EML6: variants seen among roughly 807,000 people sequenced by gnomAD.
EML6 encodes the protein EMAP like 6.
A neutral mutation model predicts 240.1 loss-of-function variants in EML6; 154 were observed. The ratio of observed to expected loss-of-function variants is 0.64; its 90% CI spans 0.56 to 0.73. EML6 has a LOEUF of 0.73. EML6 is among the 30% of genes least tolerant of loss of function. The pLI, the probability that EML6 is intolerant of heterozygous loss-of-function variation, is 0.00. For synonymous variants in EML6, 1,148 were observed against 899.0 expected, an observed-to-expected ratio of 1.28 and a Z score of -4.95; for missense variants, 2,964 against 2,474.6, an observed-to-expected ratio of 1.20 and a Z score of -4.20.
rs759267390 is a variant in EML6 at position 54,725,047 on chromosome 2, C to A, written c.-15C>A. 2.0e-6 allele frequency: 3 copies of A among 1,496,932 alleles called. No homozygotes were observed. The highest frequency in any genetic ancestry group is 2.7e-6 in the Non-Finnish European group (3 of 1,123,878). The allele number at this position is 1,496,932 out of a possible 1,614,324, so 92.7% of individuals were successfully genotyped here. On this transcript the variant is annotated 5_prime_UTR_variant, in exon 2 of 42. Coordinates refer to ENST00000356458, the MANE Select transcript of EML6 (RefSeq NM_001039753.4). The surrounding 1 kb of genome is among the most constrained non-coding windows in gnomAD (Gnocchi z 4.3). ...GGCGCGCGGGGGGGCGGGGGGCGCG[C>A]GGGGTCGGCTTATCATGGCGGATCG...
In EML6 at chr2:54,963,994, A is replaced by T; in HGVS notation, c.5166A>T (p.Leu1722Phe). ...CCTTTGCATCAATGTAGAAGCTGTTAAACAAGGTGAGCTTGGGCCATGCGG... is the reference window on the plus strand; with the variant it reads ...CCTTTGCATCAATGTAGAAGCTGTTTAACAAGGTGAGCTTGGGCCATGCGG... ...RIWDLADKKL[L>F]NKVSLGHAAR... The change falls in exon 37 of 42, where the codon TTA becomes TTT. Residue 1722 changes from leucine to phenylalanine, a missense_variant. Physicochemically the swap from Leu to Phe is conservative, Grantham distance 22. Coordinates refer to ENST00000356458, the MANE Select transcript of EML6 (RefSeq NM_001039753.4). 6.5e-7 allele frequency: 1 copy of T among 1,550,124 alleles called. No homozygotes were observed. Among genetic ancestry groups the T allele is most frequent in the Non-Finnish European group, 8.7e-7 (1 of 1,146,454 alleles).
At chr2:54,907,537 C>G (rs1383078008) in intron 24 of EML6, among the ~76,000 whole-genome samples, 3 of 152,150 alleles carry the variant, frequency 2.0e-5, no homozygotes, top group African/African-American at 7.2e-5. Context: ...ACAATTTGAG[C>G]CATAATAGGA....
chr2:54,937,736 C>T (rs955682323), intron 28 of EML6, among the ~76,000 whole-genome samples: 25 of 151,940 alleles, frequency 1.6e-4, no homozygotes, highest in African/African-American at 5.8e-4. Flanking sequence ...AGCTGTTTTA[C>T]CTGGGTAGAT....
intron 7 of EML6, among the ~76,000 whole-genome samples, chr2:54,837,225 C>A (rs1338743097): frequency 6.6e-6 from 1 of 152,214 alleles, no homozygotes; most frequent in African/African-American, 2.4e-5. Flanking sequence ...CCTGGGCATA[C>A]ATTCACAGAT....
chr2:54,926,649 C>T (rs1481403436), intron 26 of EML6, among the ~76,000 whole-genome samples: 3 of 152,238 alleles, frequency 2.0e-5, no homozygotes, highest in Non-Finnish European at 4.4e-5. Context: ...AACCTTCTAG[C>T]AACTGTCAAT....
rs1008641911 is a variant in EML6, at chr2:54,855,520, A to G, written c.1657+1665A>G. ...CAACATGAGGTTTGAGCAGGGACAC[A>G]TGTCCAAACTATATTACAGAGGGTG... is the stretch of plus-strand genomic sequence containing the variant. On this transcript the variant is annotated intron_variant, in intron 11 of 41. Transcript: ENST00000356458. Among the ~76,000 whole-genome samples the G allele has an allele frequency of 7.8e-5, 11 of 140,160 alleles. 1 individual carries two copies. The highest frequency in any genetic ancestry group is 1.5e-4 in the Non-Finnish European group (10 of 66,348). The allele number at this position is 140,160 out of a possible 152,430, so 92.0% of individuals were successfully genotyped here.
At chr2:54,837,547 C>A (rs749667683) in intron 7 of EML6, among the ~76,000 whole-genome samples, 1 of 152,182 alleles carries the variant, frequency 6.6e-6, no homozygotes. Context: ...AAGTCGACTT[C>A]TCACAGGTGC....
intron 7 of EML6, among the ~76,000 whole-genome samples, chr2:54,842,101 T>A (rs1003091880): frequency 6.6e-6 from 1 of 152,106 alleles, no homozygotes; most frequent in African/African-American, 2.4e-5. Flanking sequence ...CCGTAGTTCA[T>A]GTTAGAGTTC....
At chr2:54,853,218 T>C (rs1160137767) in intron 10 of EML6, among the ~76,000 whole-genome samples, 2 of 152,190 alleles carry the variant, frequency 1.3e-5, no homozygotes, top group Non-Finnish European at 2.9e-5. Context: ...TGATGATACA[T>C]GATAAAAGTC....
intron 2 of EML6, among the ~76,000 whole-genome samples, chr2:54,807,008 T>C (rs576147107): frequency 3.7e-4 from 56 of 152,334 alleles, no homozygotes; most frequent in Non-Finnish European, 7.8e-4. Flanking sequence ...TTATACACTT[T>C]ACTGACATAA....
At chr2:54,939,101 A>G (rs1472661811) in intron 28 of EML6, among the ~76,000 whole-genome samples, 6 of 152,232 alleles carry the variant, frequency 3.9e-5, no homozygotes, top group Admixed American at 3.3e-4. Context: ...TAACAACAAG[A>G]TTTAGATTCA....
chr2:54,967,223 C>G, intron 39 of EML6, 120 bp downstream of exon 39: 1 of 665,746 alleles, frequency 1.5e-6, no homozygotes, highest in Admixed American at 2.7e-5. Flanking sequence ...GCTGTCTTTT[C>G]TTTTGGGGGT....
At chr2:54,916,730 A>C in intron 25 of EML6, 29 bp from the exon 26 acceptor site, 1 of 1,465,172 alleles carries the variant, frequency 6.8e-7, no homozygotes, top group African/African-American at 1.4e-5. Flanking sequence ...GGTTGTGCAA[A>C]AATATCATTC....
At chr2:54,955,640 T>C (rs565157880) in intron 32 of EML6, among the ~76,000 whole-genome samples, 1 of 152,332 alleles carries the variant, frequency 6.6e-6, no homozygotes, top group African/African-American at 2.4e-5. Context: ...TCCCTCTACC[T>C]GTCCTCCAAG....
rs977756330 is a variant in EML6, at chr2:54,964,601, T to C, written c.5361T>C (p.Val1787=). ...GCCCAGACAACCGATTCTTAGCCGT[T>C]GGTTCTTCTGAACACACAGTTGACT... is the stretch of plus-strand genomic sequence containing the variant. The part of the protein sequence containing the change: ...RISPDNRFLA[V]GSSEHTVDFY... Residue 1787 remains valine (V), a synonymous_variant, in exon 38 of 42, where the codon GTT becomes GTC. Coordinates refer to ENST00000356458, the MANE Select transcript of EML6 (RefSeq NM_001039753.4). 10 of 1,552,316 alleles carry C rather than the reference T, an allele frequency of 6.4e-6. No homozygotes were observed. The highest frequency in any genetic ancestry group is 2.7e-5 in the African/African-American group (2 of 73,074).
intron 32 of EML6, among the ~76,000 whole-genome samples, chr2:54,955,694 C>G (rs958719874): frequency 2.0e-5 from 3 of 152,218 alleles, no homozygotes. Context: ...CTTGCTCACC[C>G]AGGGTCCCTT....
intron 8 of EML6, among the ~76,000 whole-genome samples, 157 bp from the exon 9 acceptor site, chr2:54,847,329 C>T (rs758916080): frequency 6.6e-6 from 1 of 152,174 alleles, no homozygotes; most frequent in Non-Finnish European, 1.5e-5. Flanking sequence ...AACACCTTTC[C>T]ACACTCGCTG....
intron 28 of EML6, among the ~76,000 whole-genome samples, chr2:54,932,964 A>C (rs964043786): frequency 2.0e-5 from 3 of 152,196 alleles, no homozygotes; most frequent in Non-Finnish European, 4.4e-5. Flanking sequence ...ACTGGTTTAC[A>C]CACCTAAGTA....
chr2:54,965,030 T>G (rs1676686916), intron 38 of EML6, among the ~76,000 whole-genome samples: 1 of 152,186 alleles, frequency 6.6e-6, no homozygotes, highest in African/African-American at 2.4e-5. Flanking sequence ...TTTCCTGATT[T>G]CTAGTTTTCT....
Sources: gnomAD v4.1 joint callset for allele counts (sites outside exome capture counted in the v4.1 genomes callset) on GRCh38, gnomAD v4.1.1 for gene constraint, Gnocchi (gnomAD v3.1) non-coding constraint, MANE v1.5 for transcripts, NCBI Gene and HGNC (gene_info 2026-07-23, HGNC 2026-07-21) for gene names.